The following BRINP3 variants were observed in gnomAD, a reference collection of about 807,000 sequenced individuals.
The protein encoded by BRINP3 is BMP/retinoic acid-inducible neural-specific protein 3.
BRINP3 carries 19 observed loss-of-function variants against 71.0 expected under a neutral mutation model. That is an observed-to-expected ratio of 0.27 (90% confidence interval 0.19 to 0.39). The LOEUF is 0.39. Among genes scored for constraint, BRINP3 ranks in the 10% least tolerant of loss-of-function variants. The pLI is 1.00. For synonymous variants in BRINP3, 380 were observed against 337.7 expected (o/e 1.13, Z -1.37); for missense variants, 959 against 940.8 (o/e 1.02, Z -0.25).
chr1:190,407,977 C>G (rs1366298459), intron 2 of BRINP3, among the ~76,000 whole-genome samples: 2 of 145,304 alleles, frequency 1.4e-5, no homozygotes, highest in Non-Finnish European at 3.0e-5. Flanking sequence ...TGACGATGTA[C>G]TTTCTTTTCT....
intron 2 of BRINP3, among the ~76,000 whole-genome samples, chr1:190,301,228 T>C (rs1376261600): frequency 2.9e-5 from 4 of 137,318 alleles, no homozygotes; most frequent in African/African-American, 1.1e-4. Context: ...TATATATATA[T>C]ATATATACAC....
At chr1:190,237,859 G>A (rs372675369) in intron 4 of BRINP3, among the ~76,000 whole-genome samples, 7 of 152,096 alleles carry the variant, frequency 4.6e-5, no homozygotes, top group African/African-American at 1.7e-4. Flanking sequence ...ATAGAGTTAT[G>A]CCCAAACAGG....
At chr1:190,286,455 CAT>C (rs990802951) in intron 2 of BRINP3, among the ~76,000 whole-genome samples, 25 of 152,076 alleles carry the variant, frequency 1.6e-4, no homozygotes, top group African/African-American at 6.0e-4. Context: ...AAAGTACACA[CAT>C]ATGTTTGGCT....
intron 2 of BRINP3, among the ~76,000 whole-genome samples, chr1:190,324,601 C>T (rs993646938): frequency 2.6e-5 from 4 of 151,818 alleles, no homozygotes; most frequent in Non-Finnish European, 5.9e-5. Flanking sequence ...GGTAAGTGTT[C>T]TTCCTGACTT....
In BRINP3 at chr1:190,098,933, G is replaced by A; in HGVS notation, c.1386C>T (p.Thr462=). The part of the protein sequence containing the change: ...CAPDNRTRCG[T]CNTGYMLSQG... ...GGCTGAGCATGTAGCCGGTGTTGCA[G>A]GTGCCGCAGCGGGTGCGGTTGTCTG... Residue 462 remains threonine (T), a synonymous_variant, in exon 8 of 8, where the codon ACC becomes ACT. Coordinates refer to ENST00000367462, the MANE Select transcript of BRINP3 (RefSeq NM_199051.3). 9 of 1,614,174 alleles carry A rather than the reference G, an allele frequency of 5.6e-6. No individual in the cohort carries two copies. Among genetic ancestry groups the A allele is most frequent in the Non-Finnish European group, 7.6e-6 (9 of 1,180,038 alleles).
intron 1 of BRINP3, chr1:190,476,031 G>C (rs1481014133): frequency 6.6e-6 from 1 of 151,954 alleles, no homozygotes; most frequent in African/African-American, 2.4e-5. Flanking sequence ...TGACGGGTGA[G>C]GGGCGCCAAG....
At chr1:190,389,951 G>T (rs548324343) in intron 2 of BRINP3, among the ~76,000 whole-genome samples, 1 of 151,826 alleles carries the variant, frequency 6.6e-6, no homozygotes, top group South Asian at 2.1e-4. Context: ...GGCAGTAATG[G>T]CTCAAAAGAA....
intron 2 of BRINP3, among the ~76,000 whole-genome samples, chr1:190,287,269 C>T (rs1663504477): frequency 6.6e-6 from 1 of 151,884 alleles, no homozygotes; most frequent in African/African-American, 2.4e-5. Context: ...GCTTCAACAT[C>T]TCACAAATGA....
rs751596595 is a variant in BRINP3 at position 190,264,848 on chromosome 1, C to T, written c.618+17G>A. The T allele has an allele frequency of 5.0e-6, 8 of 1,606,410 alleles. No individual in the cohort carries two copies. Among genetic ancestry groups the T allele is most frequent in the Admixed American group, 3.4e-5 (2 of 58,742 alleles). On this transcript the variant is annotated intron_variant, in intron 4 of 7. Transcript: ENST00000367462. ...AAACAATGGAAGGTGATAATTTTAGCGTAAACTCATTCTTACCTTTATGGC... is the reference window on the plus strand; with the variant it reads ...AAACAATGGAAGGTGATAATTTTAGTGTAAACTCATTCTTACCTTTATGGC...
chr1:190,398,540 A>C (rs943256832), intron 2 of BRINP3, among the ~76,000 whole-genome samples: 1 of 151,982 alleles, frequency 6.6e-6, no homozygotes, highest in African/African-American at 2.4e-5. Context: ...TCTAGATAGT[A>C]TAATTTCTAT....
intron 2 of BRINP3, 116 bp from the exon 3 acceptor site, chr1:190,281,866 G>C (rs1412929975): frequency 2.4e-5 from 21 of 888,482 alleles, no homozygotes; most frequent in African/African-American, 5.1e-5. Flanking sequence ...GTAATACTAG[G>C]TTGTGTGCTA....
At chr1:190,345,009 G>T (rs188524049) in intron 2 of BRINP3, among the ~76,000 whole-genome samples, 2 of 151,910 alleles carry the variant, frequency 1.3e-5, no homozygotes, top group Admixed American at 6.6e-5. Flanking sequence ...CAAAAAAACT[G>T]TCACAAATGA....
intron 2 of BRINP3, among the ~76,000 whole-genome samples, chr1:190,327,352 G>GAAAAAAAAAAAAAAAAAAAAAA (rs796445574): frequency 2.6e-5 from 2 of 77,440 alleles, no homozygotes; most frequent in Non-Finnish European, 5.6e-5. Context: ...AAAAAAAAAG[G>GAAAAAAAAAAAAAAAAAAAAAA]AAAAAAAAAA....
At chr1:190,157,702 T>A (rs1656989903) in intron 7 of BRINP3, among the ~76,000 whole-genome samples, 1 of 152,054 alleles carries the variant, frequency 6.6e-6, no homozygotes, top group South Asian at 2.1e-4. Flanking sequence ...CATGGAATGT[T>A]CCCTGGGAGT....
At chr1:190,100,982 T>C (rs967951801) in intron 7 of BRINP3, among the ~76,000 whole-genome samples, 10 of 152,100 alleles carry the variant, frequency 6.6e-5, no homozygotes, top group African/African-American at 2.4e-4. Context: ...AGTTAGTTTC[T>C]TATAATTGGG....
intron 2 of BRINP3, among the ~76,000 whole-genome samples, chr1:190,359,594 T>C (rs1472164852): frequency 3.9e-5 from 6 of 152,000 alleles, no homozygotes; most frequent in Non-Finnish European, 8.8e-5. Context: ...GACCTGTCCC[T>C]AAGAAGAAAT....
At chr1:190,212,241 C>A (rs1042741407) in intron 6 of BRINP3, among the ~76,000 whole-genome samples, 1 of 152,038 alleles carries the variant, frequency 6.6e-6, no homozygotes, top group African/African-American at 2.4e-5. Context: ...ACTTTTATAT[C>A]CAGTTCATCA....
chr1:190,130,511 G>C (rs1245057450), intron 7 of BRINP3, among the ~76,000 whole-genome samples: 1 of 152,018 alleles, frequency 6.6e-6, no homozygotes, highest in Non-Finnish European at 1.5e-5. Flanking sequence ...ACAAGGAAGA[G>C]AGTCCTTCTG....
chr1:190,152,554 A>C (rs113369826), intron 7 of BRINP3, among the ~76,000 whole-genome samples: 2,403 of 117,050 alleles, frequency 0.021, 65 homozygotes, highest in African/African-American at 0.068. Context: ...CCCCCAAAAA[A>C]GCAAAGCCTT....
Sources: allele counts gnomAD v4.1 joint callset (sites outside exome capture counted in the v4.1 genomes callset), GRCh38; gene constraint gnomAD v4.1.1; transcripts MANE v1.5; gene names NCBI Gene and HGNC (gene_info 2026-07-23, HGNC 2026-07-21).